The following USP31 variants were observed in gnomAD, a reference collection of about 807,000 sequenced individuals.
USP31 encodes ubiquitin carboxyl-terminal hydrolase 31.
In USP31, 44 loss-of-function variants were observed where a neutral mutation model predicts 119.4. That is an observed-to-expected ratio of 0.37 (90% CI 0.29 to 0.47). USP31 has a LOEUF of 0.47. Ranked by LOEUF, USP31 falls within the 20% of genes least tolerant of loss-of-function variation. The pLI is 0.99. For missense variants in USP31, 1,643 were observed against 1,730.2 expected, an observed-to-expected ratio of 0.95 and a Z score of 0.89; for synonymous variants, 749 against 705.6, an observed-to-expected ratio of 1.06 and a Z score of -0.97.
chr16:23,142,244 C>A (rs1903373442), intron 1 of USP31, among the ~76,000 whole-genome samples: 1 of 152,168 alleles, frequency 6.6e-6, no homozygotes, highest in Non-Finnish European at 1.5e-5. Context: ...ATGTGGTAAA[C>A]ATCAGCTCAA....
intron 1 of USP31, among the ~76,000 whole-genome samples, chr16:23,136,253 G>A (rs1313665013): frequency 2.6e-5 from 4 of 152,156 alleles, no homozygotes; most frequent in African/African-American, 9.7e-5. Context: ...AAAACTCTCA[G>A]AAGAAAACAT....
intron 1 of USP31, chr16:23,115,805 G>A: frequency 1.0e-6 from 1 of 978,356 alleles, no homozygotes; most frequent in Non-Finnish European, 1.2e-6. Flanking sequence ...ACCCTTCAAA[G>A]AGAGAATGTT....
rs142470282 is a variant in USP31, at chr16:23,105,897, C to T, written c.953+316G>A. Among the ~76,000 whole-genome samples, 611 of 152,186 alleles carry T rather than the reference C, an allele frequency of 4.0e-3. 7 individuals are homozygous for T. The highest frequency in any genetic ancestry group is 0.013 in the African/African-American group (555 of 41,530). ...TGAGAAATTGTTCAAAATAAAGCAA[C>T]GAAGAAACAAGAAATGTAAAGTAAG... On this transcript the variant is annotated intron_variant, in intron 4 of 15. Coordinates refer to ENST00000219689, the MANE Select transcript of USP31 (RefSeq NM_020718.4).
At chr16:23,072,956 A>T (rs1335595987) in intron 14 of USP31, among the ~76,000 whole-genome samples, 1 of 150,154 alleles carries the variant, frequency 6.7e-6, no homozygotes, top group Non-Finnish European at 1.5e-5. Context: ...ACTGCTTTGA[A>T]CTCACCCCCT....
rs544843995 is a variant in USP31, at chr16:23,100,091, G to A, written c.1234+2228C>T. On this transcript the variant is annotated intron_variant, in intron 6 of 15. Transcript: ENST00000219689. ...AACACTGCTGATAAAAATGTAACAC[G>A]GTGCAGCCACTTTGGAAAAGTCTGT... is the stretch of plus-strand genomic sequence containing the variant. Among the ~76,000 whole-genome samples, 16 of 152,226 alleles carry A rather than the reference G, an allele frequency of 1.1e-4. 1 individual carries two copies. In the South Asian group the frequency reaches 2.9e-3, roughly 28 times the overall value.
At chr16:23,079,925 G>C (rs777906445) in intron 13 of USP31, 21 bp downstream of exon 13, 1 of 1,567,844 alleles carries the variant, frequency 6.4e-7, no homozygotes, top group South Asian at 1.2e-5. Context: ...GCACAGACAC[G>C]CAGCCTCTCA....
At chr16:23,139,891 T>G (rs1385117849) in intron 1 of USP31, among the ~76,000 whole-genome samples, 1 of 152,172 alleles carries the variant, frequency 6.6e-6, no homozygotes, top group Admixed American at 6.5e-5. Context: ...TCCCTATTAT[T>G]TCTTTATCAC....
In USP31 at chr16:23,136,609, G is replaced by C. The variant is rs187505601; in HGVS notation, c.633+12029C>G. Among the ~76,000 whole-genome samples, 83 of 150,958 alleles carry C rather than the reference G, an allele frequency of 5.5e-4. 1 individual carries two copies. The highest frequency in any genetic ancestry group is 2.4e-4 in the Non-Finnish European group (16 of 67,814). ...CCGGAGGCTGCAGTGAGCTAAGATC[G>C]TGCCACTGCACTCCAGCCTAGGCAA... On this transcript the variant is annotated intron_variant, in intron 1 of 15. Transcript: ENST00000219689.
intron 1 of USP31, among the ~76,000 whole-genome samples, chr16:23,136,751 A>C (rs1903205511): frequency 6.6e-6 from 1 of 152,270 alleles, no homozygotes; most frequent in South Asian, 2.1e-4. Flanking sequence ...TCTGATAAGA[A>C]ATTAACATCT....
rs1331997976 is a variant in USP31 at position 23,067,148 on chromosome 16, T to C, written c.*898A>G. 6.6e-6 allele frequency: 1 copy of C among 152,646 alleles called. No homozygotes were observed. The highest frequency in any genetic ancestry group is 1.9e-4 in the East Asian group (1 of 5,204). 9.5% of individuals were successfully genotyped at this position (152,646 alleles called of 1,614,324 possible). Reference sequence around the variant, plus strand: ...CACCCAGTTTAGAATCTAGAAGTTTTTTCCAGGAATCTGTCAAAGGTGTTA... The same window carrying C: ...CACCCAGTTTAGAATCTAGAAGTTTCTTCCAGGAATCTGTCAAAGGTGTTA... On this transcript the variant is annotated 3_prime_UTR_variant, in exon 16 of 16. Transcript: ENST00000219689.
intron 1 of USP31, chr16:23,115,747 A>C: frequency 1.0e-6 from 1 of 982,334 alleles, no homozygotes; most frequent in Non-Finnish European, 1.2e-6. Flanking sequence ...TAATAAAGTA[A>C]AAGGCAAAAC....
rs979703651 is a variant in USP31 at position 23,084,096 on chromosome 16, T to G, written c.1830+764A>C. Among the ~76,000 whole-genome samples, 3 of 152,256 alleles carry G rather than the reference T, an allele frequency of 2.0e-5. No individual in the cohort carries two copies. The East Asian group carries it at 5.8e-4, about 29-fold the overall frequency. ...AGAATAAAAGAGTTTTAAAGTCCCCTTCAATCCTGAAATTGCATGACTCCA... is the reference window on the plus strand; with the variant it reads ...AGAATAAAAGAGTTTTAAAGTCCCCGTCAATCCTGAAATTGCATGACTCCA... On this transcript the variant is annotated intron_variant, in intron 11 of 15. Transcript: ENST00000219689.
In USP31 at chr16:23,067,035, A is replaced by G. The variant is rs1165483960; in HGVS notation, c.*1011T>C. ...TCTCCAAGCTACAAGATGAGGGAAC[A>G]TGAGCCCACAGACACAGGGCATCGT... On this transcript the variant is annotated 3_prime_UTR_variant, in exon 16 of 16. Transcript: ENST00000219689. The G allele has an allele frequency of 1.3e-5, 2 of 152,248 alleles. No homozygotes were observed. Among genetic ancestry groups the G allele is most frequent in the African/African-American group, 2.4e-5 (1 of 41,458 alleles). The allele number at this position is 152,248 out of a possible 1,614,324, so 9.4% of individuals were successfully genotyped here. A position where few individuals can be genotyped will look rare whatever the true frequency, so the allele number is the denominator to read the frequency against.
At chr16:23,114,242 G>T (rs1030602576) in intron 1 of USP31, among the ~76,000 whole-genome samples, 8 of 152,278 alleles carry the variant, frequency 5.3e-5, no homozygotes, top group Admixed American at 3.3e-4. Context: ...CCTGCATGCA[G>T]ATAAGCCAGA....
At chr16:23,096,984 C>T (rs532542181) in intron 6 of USP31, among the ~76,000 whole-genome samples, 16 of 152,080 alleles carry the variant, frequency 1.1e-4, no homozygotes, top group African/African-American at 3.6e-4. Context: ...CAAGAAATAA[C>T]TAAGATCAGA....
chr16:23,063,863 C>T lies in USP31; in HGVS notation c.*4183G>A, dbSNP rs1168743355. On this transcript the variant is annotated 3_prime_UTR_variant, in exon 16 of 16. Coordinates refer to ENST00000219689, the MANE Select transcript of USP31 (RefSeq NM_020718.4). ...GTTTTTACTTGGGGAAAAAAATGGT[C>T]ATGCTCAAAATGCATCTGCAAAATA... The T allele has an allele frequency of 2.0e-5, 3 of 151,956 alleles. No homozygotes were observed. The highest frequency in any genetic ancestry group is 2.9e-5 in the Non-Finnish European group (2 of 68,006). 9.4% of individuals were successfully genotyped at this position (151,956 alleles called of 1,614,324 possible). A position where few individuals can be genotyped will look rare whatever the true frequency, so the allele number is the denominator to read the frequency against.
At position 23,068,686 on chromosome 16, in the gene USP31, C is replaced by A. The variant is rs1201130418; in HGVS notation, c.3419G>T (p.Ser1140Ile). The A allele has an allele frequency of 2.5e-6, 4 of 1,614,008 alleles. No homozygotes were observed. Among genetic ancestry groups the A allele is most frequent in the Non-Finnish European group, 3.4e-6 (4 of 1,180,008 alleles). ...CCTGCTCTTCCCAGGTGGGAAAGGG[C>A]TCCTTGTGGCAGGGCCCGAGGCCTT... ...AKKASGPATRSPFPPGKSRTS... is the reference protein window; with the variant it reads ...AKKASGPATRIPFPPGKSRTS... The change falls in exon 16 of 16, where the codon AGC (serine) becomes ATC (isoleucine). Residue 1140 changes from serine (S) to isoleucine (I), a missense_variant. Ser to Ile is a moderately radical substitution (Grantham distance 142, BLOSUM62 -2). Transcript: ENST00000219689.
intron 13 of USP31, among the ~76,000 whole-genome samples, chr16:23,077,341 A>C (rs1049242674): frequency 6.6e-6 from 1 of 152,228 alleles, no homozygotes; most frequent in Non-Finnish European, 1.5e-5. Context: ...AAAAATATCT[A>C]TTTAAAGAAC....
At chr16:23,097,992 GA>G (rs1901687561) in intron 6 of USP31, among the ~76,000 whole-genome samples, 1 of 152,180 alleles carries the variant, frequency 6.6e-6, no homozygotes, top group Admixed American at 6.5e-5. Context: ...GCAAGAGAAA[GA>G]AATAAAGGGT....
Sources: gnomAD v4.1 joint callset for allele counts (sites outside exome capture counted in the v4.1 genomes callset) on GRCh38, gnomAD v4.1.1 for gene constraint, MANE v1.5 for transcripts, NCBI Gene and HGNC (gene_info 2026-07-23, HGNC 2026-07-21) for gene names.